Variants in TMEM232 observed in about 807,000 individuals in gnomAD.
The protein encoded by TMEM232 is transmembrane protein 232.
TMEM232 carries 80 observed loss-of-function variants against 78.8 expected under a neutral mutation model. The observed-to-expected ratio is 1.01, with a 90% confidence interval of 0.85 to 1.22. The LOEUF is 1.22. TMEM232 is among the 50% of genes most tolerant of loss of function. The pLI is 0.00. For missense variants in TMEM232, 881 were observed against 742.2 expected (o/e 1.19, Z -2.17); for synonymous variants, 297 against 254.3 (o/e 1.17, Z -1.60).
intron 2 of TMEM232, among the ~76,000 whole-genome samples, chr5:110,662,059 C>G (rs1020942378): frequency 6.6e-6 from 1 of 152,032 alleles, no homozygotes; most frequent in African/African-American, 2.4e-5. Context: ...CCTTGTCAGT[C>G]AAATGTTTAG....
chr5:110,519,165 T>C (rs1769129111), intron 12 of TMEM232, among the ~76,000 whole-genome samples: 1 of 152,116 alleles, frequency 6.6e-6, no homozygotes, highest in Non-Finnish European at 1.5e-5. Context: ...TTTTTAAAAA[T>C]TGACTTAAGA....
chr5:110,624,302 GT>G (rs1358718033), intron 7 of TMEM232, among the ~76,000 whole-genome samples: 10 of 151,036 alleles, frequency 6.6e-5, no homozygotes, highest in East Asian at 3.9e-4. Flanking sequence ...GCACATGCTG[GT>G]TTTTTTTTCT....
At chr5:110,433,012 C>T (rs1192274561) in intron 12 of TMEM232, among the ~76,000 whole-genome samples, 1 of 151,710 alleles carries the variant, frequency 6.6e-6, no homozygotes. Flanking sequence ...TAAGAAAATA[C>T]TCTGATAGCC....
chr5:110,464,926 T>C (rs1761916814), intron 12 of TMEM232, among the ~76,000 whole-genome samples: 1 of 152,074 alleles, frequency 6.6e-6, no homozygotes. Context: ...AGACAGTAAA[T>C]AAGAAGTGGA....
At chr5:110,401,500 C>T (rs1336713460) in intron 2 of TMEM232, among the ~76,000 whole-genome samples, 1 of 152,018 alleles carries the variant, frequency 6.6e-6, no homozygotes, top group Non-Finnish European at 1.5e-5. Flanking sequence ...ACTTATCTTC[C>T]ATCACTTGCT....
chr5:110,637,655 A>C (rs916695369), intron 5 of TMEM232, among the ~76,000 whole-genome samples: 7 of 151,950 alleles, frequency 4.6e-5, no homozygotes, highest in Admixed American at 4.6e-4. Context: ...CATTAGTTAA[A>C]CTACATTTGT....
In TMEM232 at chr5:110,654,467, T is replaced by C. The variant is rs529240133; in HGVS notation, c.126-12096A>G. On this transcript the variant is annotated intron_variant, in intron 2 of 13. Coordinates refer to ENST00000455884, the MANE Select transcript of TMEM232 (RefSeq NM_001039763.4). ...CAAAGATCAGATAGTTGTAGATATG[T>C]GGTGCTATTTCTGAGGGCTCTGTTC... Among the ~76,000 whole-genome samples, 24 of 152,290 alleles carry C rather than the reference T, an allele frequency of 1.6e-4. No individual in the cohort carries two copies. In the South Asian group the frequency reaches 5.0e-3, roughly 32 times the overall value.
At chr5:110,539,192 G>A (rs531446511) in intron 11 of TMEM232, among the ~76,000 whole-genome samples, 16 of 152,176 alleles carry the variant, frequency 1.1e-4, no homozygotes, top group Non-Finnish European at 1.8e-4. Context: ...GTCAAAATAC[G>A]CTTAAAGACC....
intron 11 of TMEM232, among the ~76,000 whole-genome samples, chr5:110,564,309 T>C (rs1776082723): frequency 6.6e-6 from 1 of 151,952 alleles, no homozygotes; most frequent in South Asian, 2.1e-4. Flanking sequence ...GTTGGCACTT[T>C]GGAATATCAT....
chr5:110,723,293 T>C (rs114967793), intron 1 of TMEM232, among the ~76,000 whole-genome samples: 296 of 152,306 alleles, frequency 1.9e-3, no homozygotes, highest in African/African-American at 7.0e-3. Flanking sequence ...AGTTGACACA[T>C]AACCTGAAGT....
chr5:110,730,250 G>T (rs998312326), upstream of TMEM232, among the ~76,000 whole-genome samples: 1 of 152,124 alleles, frequency 6.6e-6, no homozygotes, highest in African/African-American at 2.4e-5. Context: ...GATTAGAATT[G>T]ATTTTCCAGG....
At chr5:110,611,147 A>G (rs1360515405) in intron 8 of TMEM232, among the ~76,000 whole-genome samples, 1 of 152,174 alleles carries the variant, frequency 6.6e-6, no homozygotes, top group Non-Finnish European at 1.5e-5. Context: ...ACTTAACTAT[A>G]ATGTTATCAG....
chr5:110,688,375 C>T (rs370611926), intron 1 of TMEM232, among the ~76,000 whole-genome samples: 5 of 152,218 alleles, frequency 3.3e-5, no homozygotes, highest in African/African-American at 1.2e-4. Flanking sequence ...CAGTAAGTGT[C>T]ATATGGGGAG....
chr5:110,395,701 T>C (rs900130809), intron 3 of TMEM232, among the ~76,000 whole-genome samples: 1 of 152,204 alleles, frequency 6.6e-6, no homozygotes. Context: ...AATCCCAGAA[T>C]ATATAATATT....
At chr5:110,402,236 T>C (rs1160869977) in intron 2 of TMEM232, among the ~76,000 whole-genome samples, 1 of 152,104 alleles carries the variant, frequency 6.6e-6, no homozygotes, top group Non-Finnish European at 1.5e-5. Context: ...AGAATTGCAC[T>C]GCCTTACTGA....
chr5:110,691,111 T>A (rs1794064311), intron 1 of TMEM232, among the ~76,000 whole-genome samples: 2 of 149,540 alleles, frequency 1.3e-5, no homozygotes, highest in African/African-American at 2.5e-5. Flanking sequence ...AACCCACATG[T>A]TCTGCACATG....
intron 12 of TMEM232, among the ~76,000 whole-genome samples, chr5:110,502,941 T>C (rs1217729862): frequency 6.6e-6 from 1 of 152,216 alleles, no homozygotes; most frequent in Non-Finnish European, 1.5e-5. Flanking sequence ...TTAATTTCAA[T>C]CATGGGACTT....
At chr5:110,624,418 T>C (rs913711979) in intron 7 of TMEM232, among the ~76,000 whole-genome samples, 3 of 151,998 alleles carry the variant, frequency 2.0e-5, no homozygotes, top group Admixed American at 6.6e-5. Flanking sequence ...GATATGCAAA[T>C]GGAAGTTTGG....
intron 11 of TMEM232, among the ~76,000 whole-genome samples, chr5:110,533,533 A>G (rs1561644119): frequency 6.6e-6 from 1 of 152,140 alleles, no homozygotes. Flanking sequence ...ATCACAAACT[A>G]TGCTCAACTC....
Sources: allele counts gnomAD v4.1 joint callset (sites outside exome capture counted in the v4.1 genomes callset), GRCh38; gene constraint gnomAD v4.1.1; transcripts MANE v1.5; gene names NCBI Gene and HGNC (gene_info 2026-07-23, HGNC 2026-07-21).